Variants in VAV3 observed in about 807,000 individuals in gnomAD.
VAV3 encodes guanine nucleotide exchange factor VAV3.
Under a neutral mutation model 131.2 loss-of-function variants are expected in VAV3, and 94 were observed. The ratio of observed to expected loss-of-function variants is 0.72; its 90% CI spans 0.61 to 0.85. The LOEUF (loss-of-function observed/expected upper bound fraction) is 0.85, where lower values mean the gene tolerates loss of function less well. Among genes scored for constraint, VAV3 ranks in the 40% least tolerant of loss-of-function variants. The pLI is 0.00. For missense variants in VAV3, 939 were observed against 1,002.7 expected (o/e 0.94, Z 0.86); for synonymous variants, 349 against 342.0 (o/e 1.02, Z -0.22).
chr1:107,704,483 C>T, intron 17 of VAV3, 67 bp downstream of exon 17: 5 of 1,279,622 alleles, frequency 3.9e-6, no homozygotes, highest in Non-Finnish European at 5.6e-6. Context: ...TAAATTAGGC[C>T]TTAATTATGT....
chr1:107,784,229 G>C (rs1468288526), intron 2 of VAV3, among the ~76,000 whole-genome samples: 1 of 151,838 alleles, frequency 6.6e-6, no homozygotes, highest in East Asian at 1.9e-4. Context: ...TTTTTCCTTT[G>C]CTTTATTAAG....
chr1:107,753,424 T>A (rs965935274), intron 12 of VAV3, among the ~76,000 whole-genome samples: 7 of 150,672 alleles, frequency 4.6e-5, no homozygotes, highest in African/African-American at 1.5e-4. Context: ...ATAATTAGAA[T>A]GGCAAATTAA....
chr1:107,761,328 G>A (rs1415198506), intron 9 of VAV3, among the ~76,000 whole-genome samples: 1 of 149,544 alleles, frequency 6.7e-6, no homozygotes. Flanking sequence ...GGGAGGCGGA[G>A]CTTGCAGTGA....
At chr1:107,601,041 C>T (rs1651816797) in intron 24 of VAV3, among the ~76,000 whole-genome samples, 1 of 152,050 alleles carries the variant, frequency 6.6e-6, no homozygotes, top group Non-Finnish European at 1.5e-5. Context: ...TGTGGAGAGC[C>T]CCTGTGCGTG....
intron 2 of VAV3, among the ~76,000 whole-genome samples, chr1:107,798,203 A>T (rs1473780877): frequency 6.6e-6 from 1 of 152,216 alleles, no homozygotes; most frequent in Non-Finnish European, 1.5e-5. Context: ...TAATTCATGA[A>T]TTTTTGAATA....
Position 107,936,809 on chromosome 1 carries a change from A to C in VAV3, c.204+27857T>G, listed in dbSNP as rs77088232. ...CCCTGCACTTCCTTTCCTGGTTGGAATTTATGCACTTATGCCTCATCGCAA... is the reference window on the plus strand; with the variant it reads ...CCCTGCACTTCCTTTCCTGGTTGGACTTTATGCACTTATGCCTCATCGCAA... On this transcript the variant is annotated intron_variant, in intron 1 of 26. Transcript: ENST00000370056. Among the ~76,000 whole-genome samples the C allele has an allele frequency of 1.7e-3, 257 of 152,334 alleles. 5 individuals carry two copies. The East Asian group carries it at 0.04, about 24-fold the overall frequency.
intron 18 of VAV3, among the ~76,000 whole-genome samples, chr1:107,685,415 C>T (rs1357330530): frequency 5.3e-5 from 8 of 152,170 alleles, no homozygotes; most frequent in Admixed American, 5.2e-4. Context: ...GGAACAGTTA[C>T]AGCCACATGG....
intron 17 of VAV3, among the ~76,000 whole-genome samples, chr1:107,688,719 T>G (rs1659206646): frequency 6.6e-6 from 1 of 152,182 alleles, no homozygotes; most frequent in African/African-American, 2.4e-5. Context: ...TTACACTAAA[T>G]TTATAGGCAT....
At chr1:107,802,721 G>A (rs1666883619) in intron 2 of VAV3, among the ~76,000 whole-genome samples, 1 of 152,016 alleles carries the variant, frequency 6.6e-6, no homozygotes, top group African/African-American at 2.4e-5. Context: ...TTTTTAATGT[G>A]TTGCTGAATT....
Position 107,642,739 on chromosome 1 carries a change from C to T in VAV3, c.1794G>A (p.Gln598=). Residue 598 remains glutamine (Q), a synonymous_variant, in exon 20 of 27, where the codon CAG becomes CAA. Coordinates refer to ENST00000370056, the MANE Select transcript of VAV3 (RefSeq NM_006113.5). The stretch of plus-strand genomic sequence containing the variant: ...GTGTTCCAGAATAGTTCCTAATGAC[C>T]TGCATCTTTGGTAAACCTGAAAATA... ...KQVDPGLPKM[Q]VIRNYSGTPP... 2 of 1,613,310 alleles carry T rather than the reference C, an allele frequency of 1.2e-6. No individual in the cohort carries two copies. Among genetic ancestry groups the T allele is most frequent in the South Asian group, 2.2e-5 (2 of 91,068 alleles).
chr1:107,777,802 C>A (rs1416280896), intron 3 of VAV3: 3 of 154,430 alleles, frequency 1.9e-5, no homozygotes, highest in Non-Finnish European at 4.3e-5. Context: ...GTGCCCTTTA[C>A]ATATACGGTC....
chr1:107,622,144 T>C (rs536322828), intron 20 of VAV3, among the ~76,000 whole-genome samples: 229 of 152,314 alleles, frequency 1.5e-3, no homozygotes, highest in Admixed American at 3.2e-3. Flanking sequence ...CTAAAATTAT[T>C]GACAACTTCT....
At chr1:107,754,756 A>G (rs1233440881) in intron 12 of VAV3, among the ~76,000 whole-genome samples, 2 of 152,092 alleles carry the variant, frequency 1.3e-5, no homozygotes, top group African/African-American at 4.8e-5. Context: ...AGCTTCTTGA[A>G]TACACCTGGT....
intron 1 of VAV3, among the ~76,000 whole-genome samples, chr1:107,908,820 A>AACACACACACACACACAC (rs59211285): frequency 7.7e-6 from 1 of 129,332 alleles, no homozygotes; most frequent in Non-Finnish European, 1.6e-5. Flanking sequence ...GCCCCACTCA[A>AACACACACACACACACAC]ACACACACAC....
At chr1:107,676,883 A>C (rs901489866) in intron 19 of VAV3, among the ~76,000 whole-genome samples, 4 of 152,050 alleles carry the variant, frequency 2.6e-5, no homozygotes, top group African/African-American at 9.7e-5. Context: ...TTCATCATGT[A>C]CTCTACAATA....
intron 2 of VAV3, among the ~76,000 whole-genome samples, chr1:107,849,313 A>G (rs911710536): frequency 1.3e-5 from 2 of 152,142 alleles, no homozygotes; most frequent in Admixed American, 1.3e-4. Flanking sequence ...GCATCACACT[A>G]CCTGACTTCA....
At chr1:107,641,513 A>C (rs1367571412) in intron 20 of VAV3, among the ~76,000 whole-genome samples, 1 of 152,204 alleles carries the variant, frequency 6.6e-6, no homozygotes, top group Non-Finnish European at 1.5e-5. Flanking sequence ...CAATCTTAAC[A>C]TAATACCATA....
chr1:107,868,924 C>T (rs936595218), intron 2 of VAV3, among the ~76,000 whole-genome samples: 1 of 152,142 alleles, frequency 6.6e-6, no homozygotes, highest in African/African-American at 2.4e-5. Flanking sequence ...TAGCTTTGGG[C>T]ACAGCACTGA....
rs747977240 is a variant in VAV3 at position 107,825,154 on chromosome 1, C to T, written c.322-45662G>A. ...CTGCAGCAGATACTATATGGCCGAA[C>T]AAGCCTAAAATAGTTCCTTTCTTAT... is the stretch of plus-strand genomic sequence containing the variant. On this transcript the variant is annotated intron_variant, in intron 2 of 26. Transcript: ENST00000370056. Among the ~76,000 whole-genome samples, 47 of 152,170 alleles carry T rather than the reference C, an allele frequency of 3.1e-4. 1 individual carries two copies. The highest frequency in any genetic ancestry group is 2.2e-4 in the Non-Finnish European group (15 of 68,010).
Sources: gnomAD v4.1 joint callset for allele counts (sites outside exome capture counted in the v4.1 genomes callset) on GRCh38, gnomAD v4.1.1 for gene constraint, MANE v1.5 for transcripts, NCBI Gene and HGNC (gene_info 2026-07-23, HGNC 2026-07-21) for gene names.